MYT1L: variants seen among roughly 807,000 people sequenced by gnomAD.
The protein encoded by MYT1L is myelin transcription factor 1-like protein.
In MYT1L, 12 loss-of-function variants were observed where a neutral mutation model predicts 126.7. The ratio of observed to expected loss-of-function variants is 0.09; its 90% CI spans 0.06 to 0.15. The LOEUF (loss-of-function observed/expected upper bound fraction) is 0.15. Among genes scored for constraint, MYT1L ranks in the 10% least tolerant of loss-of-function variants. The pLI, the probability that MYT1L is intolerant of heterozygous loss-of-function variation, is 1.00. For missense variants in MYT1L, 979 were observed against 1,585.2 expected (o/e 0.62, Z 6.49); for synonymous variants, 541 against 604.2 (o/e 0.90, Z 1.53).
At chr2:1,855,375 G>T (rs924006762) in intron 18 of MYT1L, among the ~76,000 whole-genome samples, 9 of 152,226 alleles carry the variant, frequency 5.9e-5, no homozygotes, top group African/African-American at 2.2e-4. Flanking sequence ...AGCATCCCCC[G>T]TGGATAGAAT....
chr2:1,911,745 G>A (rs952375220), intron 12 of MYT1L, among the ~76,000 whole-genome samples: 5 of 152,180 alleles, frequency 3.3e-5, no homozygotes, highest in Non-Finnish European at 5.9e-5. Flanking sequence ...GACAGCGAAG[G>A]CTTGGTCTCC....
At chr2:2,014,412 G>A (rs974502025) in intron 4 of MYT1L, among the ~76,000 whole-genome samples, 5 of 152,140 alleles carry the variant, frequency 3.3e-5, no homozygotes, top group African/African-American at 1.2e-4. Flanking sequence ...TGACAGCCCT[G>A]GGAAGGCCGG....
At chr2:1,836,109 ACAGCTTTC>A (rs1354598336) in intron 21 of MYT1L, among the ~76,000 whole-genome samples, 1 of 152,102 alleles carries the variant, frequency 6.6e-6, no homozygotes, top group Non-Finnish European at 1.5e-5. Context: ...TGAGAGGCAT[ACAGCTTTC>A]CAGAGAAGGG....
intron 2 of MYT1L, among the ~76,000 whole-genome samples, chr2:2,210,210 T>C (rs550424524): frequency 6.6e-6 from 1 of 152,242 alleles, no homozygotes; most frequent in East Asian, 1.9e-4. Flanking sequence ...GTCAGATAGG[T>C]TGACTTTTTC....
intron 1 of MYT1L, among the ~76,000 whole-genome samples, chr2:2,316,470 T>C (rs969017847): frequency 6.6e-6 from 1 of 152,202 alleles, no homozygotes; most frequent in Non-Finnish European, 1.5e-5. Flanking sequence ...AGGTAAGACA[T>C]AAAGCCAATG....
At chr2:2,203,721 A>C (rs2093184944) in intron 2 of MYT1L, among the ~76,000 whole-genome samples, 1 of 152,218 alleles carries the variant, frequency 6.6e-6, no homozygotes, top group Non-Finnish European at 1.5e-5. Flanking sequence ...ATCCCCATCA[A>C]GATACCAATG....
At chr2:2,301,418 C>T (rs2095783322) in intron 1 of MYT1L, among the ~76,000 whole-genome samples, 1 of 152,182 alleles carries the variant, frequency 6.6e-6, no homozygotes, top group Admixed American at 6.5e-5. Flanking sequence ...ATTCAACTCA[C>T]CTTTTTCAGC....
chr2:1,868,020 G>A (rs1448302160), intron 18 of MYT1L, among the ~76,000 whole-genome samples: 1 of 151,482 alleles, frequency 6.6e-6, no homozygotes, highest in Non-Finnish European at 1.5e-5. Context: ...AGGCTGGAGT[G>A]CAGTGGCGTG....
chr2:2,291,775 C>A (rs2095603906), intron 1 of MYT1L, among the ~76,000 whole-genome samples: 1 of 152,198 alleles, frequency 6.6e-6, no homozygotes, highest in East Asian at 1.9e-4. Context: ...ACCCTGTGCC[C>A]CCAGGTGCCA....
intron 3 of MYT1L, among the ~76,000 whole-genome samples, chr2:2,065,138 C>T (rs1412273332): frequency 6.6e-6 from 1 of 152,048 alleles, no homozygotes; most frequent in Non-Finnish European, 1.5e-5. Flanking sequence ...ATTGAGGCTG[C>T]CGTGAGCCAT....
intron 8 of MYT1L, among the ~76,000 whole-genome samples, chr2:1,972,966 G>A (rs115860014): frequency 6.6e-4 from 101 of 152,328 alleles, no homozygotes; most frequent in African/African-American, 2.3e-3. Context: ...TTTATTGAGT[G>A]TACAAAGACT....
chr2:2,002,175 G>A (rs2062455933), intron 4 of MYT1L, among the ~76,000 whole-genome samples: 1 of 152,008 alleles, frequency 6.6e-6, no homozygotes, highest in Non-Finnish European at 1.5e-5. Flanking sequence ...CAAATGAATT[G>A]TGGCCACAGT....
intron 3 of MYT1L, among the ~76,000 whole-genome samples, chr2:2,116,044 C>T (rs896549121): frequency 1.3e-5 from 2 of 151,408 alleles, no homozygotes; most frequent in African/African-American, 2.5e-5. Context: ...CACGTCCAGT[C>T]GACGAAAACA....
chr2:2,008,393 A>G (rs2063524290), intron 4 of MYT1L, among the ~76,000 whole-genome samples: 1 of 152,234 alleles, frequency 6.6e-6, no homozygotes, highest in South Asian at 2.1e-4. Context: ...ACAGGCCAGG[A>G]GGTTACAATG....
chr2:2,284,985 G>A (rs2095498465), intron 1 of MYT1L, among the ~76,000 whole-genome samples: 1 of 152,160 alleles, frequency 6.6e-6, no homozygotes, highest in African/African-American at 2.4e-5. Flanking sequence ...CAAAGTGCTG[G>A]GATTACAGGT....
chr2:2,127,628 C>G (rs2081881211), intron 3 of MYT1L, among the ~76,000 whole-genome samples: 1 of 152,184 alleles, frequency 6.6e-6, no homozygotes, highest in Admixed American at 6.5e-5. Flanking sequence ...TCTCTCCGTC[C>G]TGAGTGTTAT....
At chr2:2,112,911 T>C (rs1005576776) in intron 3 of MYT1L, among the ~76,000 whole-genome samples, 2 of 152,234 alleles carry the variant, frequency 1.3e-5, no homozygotes, top group African/African-American at 4.8e-5. Flanking sequence ...CAAATGCCTG[T>C]AATGCTGATC....
chr2:1,985,507 C>T (rs901586546), intron 5 of MYT1L, among the ~76,000 whole-genome samples: 1 of 152,172 alleles, frequency 6.6e-6, no homozygotes, highest in African/African-American at 2.4e-5. Context: ...CTGACTCCAG[C>T]AAGTTTGGGC....
At position 1,809,137 on chromosome 2, in the gene MYT1L, C is replaced by T. The variant is rs746932770; in HGVS notation, c.3111G>A (p.Ala1037=). ...CTCCAGAAAGCTTTGCCTTCTTCAT[C>T]GCTGACGTGGCTCTCGGGCATCCTG... is the stretch of plus-strand genomic sequence containing the variant. The part of the protein sequence containing the change: ...SLSGCPRATS[A]MKKAKLSGEQ... The change falls in exon 22 of 25, where the codon GCG becomes GCA. Residue 1037 remains alanine (A), a synonymous_variant. Transcript: ENST00000647738. The T allele has an allele frequency of 1.3e-5, 21 of 1,613,864 alleles. No individual in the cohort carries two copies. In the Middle Eastern group the frequency reaches 4.9e-4, roughly 38 times the overall value.
Sources: gnomAD v4.1 joint callset for allele counts (sites outside exome capture counted in the v4.1 genomes callset) on GRCh38, gnomAD v4.1.1 for gene constraint, MANE v1.5 for transcripts, NCBI Gene and HGNC (gene_info 2026-07-23, HGNC 2026-07-21) for gene names.